Variants in ADCY8 observed in about 807,000 individuals in gnomAD.
ADCY8 encodes adenylate cyclase type 8.
In ADCY8, 51 loss-of-function variants were observed where a neutral mutation model predicts 119.7. That is an observed-to-expected ratio of 0.43 (90% CI 0.34 to 0.54). The LOEUF (loss-of-function observed/expected upper bound fraction) is 0.54. ADCY8 is among the 20% of genes least tolerant of loss of function. The pLI, the probability that ADCY8 is intolerant of heterozygous loss-of-function variation, is 0.03. For synonymous variants in ADCY8, 665 were observed against 651.0 expected, an observed-to-expected ratio of 1.02 and a Z score of -0.33; for missense variants, 1,383 against 1,598.8, an observed-to-expected ratio of 0.87 and a Z score of 2.30.
At chr8:130,849,459 T>A (rs1355292539) in intron 10 of ADCY8, 143 bp downstream of exon 10, 4 of 806,034 alleles carry the variant, frequency 5.0e-6, no homozygotes, top group South Asian at 1.8e-5. Context: ...ATCTTTGTTA[T>A]CTGTCCCTAA....
chr8:130,833,217 G>T (rs1398896961), intron 12 of ADCY8, among the ~76,000 whole-genome samples: 1 of 152,148 alleles, frequency 6.6e-6, no homozygotes, highest in Non-Finnish European at 1.5e-5. Context: ...TTAAAAAGTG[G>T]ACTTTGGAGT....
At chr8:131,005,882 A>G (rs1330317717) in intron 1 of ADCY8, among the ~76,000 whole-genome samples, 1 of 151,942 alleles carries the variant, frequency 6.6e-6, no homozygotes, top group Non-Finnish European at 1.5e-5. Context: ...TCCCATCTCA[A>G]AACTTTGCTT....
chr8:130,825,936 A>G (rs1251089388), intron 12 of ADCY8, among the ~76,000 whole-genome samples: 1 of 152,200 alleles, frequency 6.6e-6, no homozygotes, highest in African/African-American at 2.4e-5. Context: ...ATGGACTGAA[A>G]TTATCCTGGA....
chr8:131,008,957 G>A (rs71522601), intron 1 of ADCY8, among the ~76,000 whole-genome samples: 3,705 of 152,290 alleles, frequency 0.024, 49 homozygotes, highest in East Asian at 0.056. Flanking sequence ...GAACTTGAGA[G>A]AGATGATTTA....
chr8:130,849,323 A>T (rs1817437103), intron 10 of ADCY8, among the ~76,000 whole-genome samples: 1 of 152,200 alleles, frequency 6.6e-6, no homozygotes, highest in Admixed American at 6.5e-5. Context: ...CTTATTTATG[A>T]TGTAATTGGC....
At chr8:130,973,057 G>T (rs1821970923) in intron 2 of ADCY8, among the ~76,000 whole-genome samples, 1 of 152,146 alleles carries the variant, frequency 6.6e-6, no homozygotes, top group Admixed American at 6.5e-5. Context: ...GCTAATACTA[G>T]TGCATTTACT....
intron 11 of ADCY8, among the ~76,000 whole-genome samples, chr8:130,845,452 G>T (rs1414471616): frequency 6.6e-6 from 1 of 152,150 alleles, no homozygotes; most frequent in Non-Finnish European, 1.5e-5. Flanking sequence ...GTCCAGAGAG[G>T]GTAAGAACTG....
intron 11 of ADCY8, among the ~76,000 whole-genome samples, chr8:130,846,868 T>C (rs174494): frequency 0.62 from 13,849 of 22,280 alleles, 4,381 homozygotes; most frequent in Non-Finnish European, 0.64. Flanking sequence ...CTCCCCTCCC[T>C]TCCCTTCCCT....
intron 7 of ADCY8, among the ~76,000 whole-genome samples, chr8:130,902,545 GT>G (rs1049042649): frequency 3.3e-5 from 5 of 152,152 alleles, no homozygotes; most frequent in African/African-American, 1.2e-4. Flanking sequence ...TTTTCTCATA[GT>G]TTTTCCCCCA....
intron 1 of ADCY8, among the ~76,000 whole-genome samples, chr8:131,004,284 C>T (rs1255953986): frequency 6.6e-6 from 1 of 152,116 alleles, no homozygotes; most frequent in East Asian, 1.9e-4. Flanking sequence ...CTCCCAACAC[C>T]CTCCCCAGCT....
At chr8:131,026,286 C>T (rs962179340) in intron 1 of ADCY8, among the ~76,000 whole-genome samples, 4 of 152,124 alleles carry the variant, frequency 2.6e-5, no homozygotes, top group Non-Finnish European at 4.4e-5. Context: ...CGGAAGATGG[C>T]CATGTGAACC....
At chr8:131,034,702 G>A (rs1470583898) in intron 1 of ADCY8, among the ~76,000 whole-genome samples, 1 of 152,106 alleles carries the variant, frequency 6.6e-6, no homozygotes, top group Non-Finnish European at 1.5e-5. Flanking sequence ...TTATCTTGGA[G>A]AAATCATCTC....
At chr8:130,802,454 C>T (rs1815811244) in intron 14 of ADCY8, among the ~76,000 whole-genome samples, 1 of 152,200 alleles carries the variant, frequency 6.6e-6, no homozygotes, top group Non-Finnish European at 1.5e-5. Context: ...GCATCCTTCA[C>T]ACAGCAGCCA....
chr8:130,970,404 T>G (rs891944833), intron 2 of ADCY8, among the ~76,000 whole-genome samples: 1 of 152,206 alleles, frequency 6.6e-6, no homozygotes, highest in Non-Finnish European at 1.5e-5. Flanking sequence ...ATGTAATGCC[T>G]GATGATTTAT....
chr8:130,889,283 C>A (rs1165505672), intron 7 of ADCY8, among the ~76,000 whole-genome samples: 1 of 152,148 alleles, frequency 6.6e-6, no homozygotes, highest in Non-Finnish European at 1.5e-5. Flanking sequence ...GGGCCTATGA[C>A]AATGCCTGAT....
At chr8:130,859,302 A>G (rs1348083213) in intron 9 of ADCY8, among the ~76,000 whole-genome samples, 2 of 152,230 alleles carry the variant, frequency 1.3e-5, no homozygotes, top group African/African-American at 4.8e-5. Flanking sequence ...GGATATTTCT[A>G]ACTTTCTCCC....
chr8:130,780,862 G>A lies in ADCY8; in HGVS notation c.3284C>T (p.Ser1095Leu), dbSNP rs1815056140. 6.2e-7 allele frequency: 1 copy of A among 1,613,492 alleles called. No individual in the cohort carries two copies. The change falls in exon 18 of 18, where the codon TCA (serine) becomes TTA (leucine). Residue 1095 changes from serine to leucine, a missense_variant. Physicochemically the swap from Ser to Leu is moderately radical, Grantham distance 145. Around this residue, in one of 2 missense-constraint regions of ADCY8, gnomAD observed 928 missense variants for 1,163.5 expected, o/e 0.80. Transcript: ENST00000286355. ...FELRIGISHG[S>L]VVAGVIGAKK... ...AGCGCCGATAACGCCAGCTACCACTGAGCCGTGGCTGATGCCTGGGGGGTG... is the reference window on the plus strand; with the variant it reads ...AGCGCCGATAACGCCAGCTACCACTAAGCCGTGGCTGATGCCTGGGGGGTG...
intron 2 of ADCY8, among the ~76,000 whole-genome samples, chr8:130,966,579 C>T (rs1473819663): frequency 1.3e-5 from 2 of 152,156 alleles, no homozygotes; most frequent in Non-Finnish European, 2.9e-5. Context: ...AAGTATCTAA[C>T]CCTAAAAGGG....
intron 8 of ADCY8, among the ~76,000 whole-genome samples, chr8:130,878,910 A>G (rs1026341952): frequency 2.0e-5 from 3 of 152,212 alleles, no homozygotes; most frequent in South Asian, 4.1e-4. Flanking sequence ...TAAATATGCA[A>G]TCAATTTTGA....
Sources: allele counts gnomAD v4.1 joint callset (sites outside exome capture counted in the v4.1 genomes callset), GRCh38; gene constraint gnomAD v4.1.1; regional missense constraint gnomAD v4.1.1; transcripts MANE v1.5; gene names NCBI Gene and HGNC (gene_info 2026-07-23, HGNC 2026-07-21).